Variants in THRB observed in about 807,000 individuals in gnomAD.
THRB encodes thyroid hormone receptor beta.
In THRB, 12 loss-of-function variants were observed where a neutral mutation model predicts 47.8. That is an observed-to-expected ratio of 0.25 (90% CI 0.16 to 0.41). The LOEUF (loss-of-function observed/expected upper bound fraction) is 0.41. THRB is among the 10% of genes least tolerant of loss of function. The probability of loss-of-function intolerance (pLI) is 1.00; values close to 1 mark genes in which losing one functional copy is unlikely to be tolerated. For synonymous variants in THRB, 218 were observed against 212.2 expected, an observed-to-expected ratio of 1.03 and a Z score of -0.24; for missense variants, 348 against 589.2, an observed-to-expected ratio of 0.59 and a Z score of 4.24.
At chr3:24,397,306 G>A (rs1375083880) in intron 1 of THRB, among the ~76,000 whole-genome samples, 1 of 152,088 alleles carries the variant, frequency 6.6e-6, no homozygotes, top group East Asian at 1.9e-4. Flanking sequence ...CCCCAGAGGG[G>A]CCCATCAAAA....
chr3:24,228,234 C>T (rs74417530), intron 4 of THRB, among the ~76,000 whole-genome samples: 2,497 of 152,238 alleles, frequency 0.016, 61 homozygotes, highest in African/African-American at 0.055. Context: ...GTACAACCAT[C>T]GCTCTATAAA....
intron 4 of THRB, among the ~76,000 whole-genome samples, chr3:24,219,593 G>A (rs960852913): frequency 6.6e-6 from 1 of 152,202 alleles, no homozygotes; most frequent in African/African-American, 2.4e-5. Context: ...CAGGAGTAGA[G>A]CATCACTAAT....
At chr3:24,458,469 C>G (rs908549409) in intron 1 of THRB, 1 of 152,176 alleles carries the variant, frequency 6.6e-6, no homozygotes, top group African/African-American at 2.4e-5. Context: ...GAAGAATACC[C>G]CATTTGCAAC....
At chr3:24,146,649 T>A in intron 7 of THRB, 26 bp downstream of exon 7, 1 of 1,613,384 alleles carries the variant, frequency 6.2e-7, no homozygotes, top group Non-Finnish European at 8.5e-7. Context: ...ATTCCTTGAA[T>A]ATGAAGCAAG....
At chr3:24,460,995 G>T (rs1407624576) in intron 1 of THRB, among the ~76,000 whole-genome samples, 1 of 152,174 alleles carries the variant, frequency 6.6e-6, no homozygotes, top group East Asian at 1.9e-4. Context: ...GGGTTTGCAG[G>T]CTAGAGGCTA....
intron 1 of THRB, chr3:24,457,868 T>G (rs2073334320): frequency 6.6e-6 from 1 of 152,032 alleles, no homozygotes; most frequent in African/African-American, 2.4e-5. Flanking sequence ...TAGAGTAGAG[T>G]TAGGCGCATT....
intron 3 of THRB, among the ~76,000 whole-genome samples, chr3:24,258,138 C>A (rs536620797): frequency 6.6e-6 from 1 of 152,244 alleles, no homozygotes; most frequent in Admixed American, 6.5e-5. Context: ...AGGAAGCATG[C>A]CAAGAGGCAG....
chr3:24,238,272 T>TGGGGGGGGGGG (rs2049085833), intron 3 of THRB, among the ~76,000 whole-genome samples: 1 of 8,952 alleles, frequency 1.1e-4, no homozygotes. Flanking sequence ...TATGTGTGTG[T>TGGGGGGGGGGG]GTGTGTGGGG....
intron 2 of THRB, among the ~76,000 whole-genome samples, chr3:24,333,552 A>C (rs1457960654): frequency 6.6e-6 from 1 of 152,262 alleles, no homozygotes; most frequent in Non-Finnish European, 1.5e-5. Context: ...GTCTGCTCTC[A>C]TGCACATTAA....
At chr3:24,340,735 T>C (rs1440222093) in intron 1 of THRB, among the ~76,000 whole-genome samples, 1 of 152,200 alleles carries the variant, frequency 6.6e-6, no homozygotes, top group Non-Finnish European at 1.5e-5. Context: ...ATTTCCAAAT[T>C]AGATTCTATA....
At chr3:24,205,017 C>A (rs1192072597) in intron 4 of THRB, among the ~76,000 whole-genome samples, 1 of 152,154 alleles carries the variant, frequency 6.6e-6, no homozygotes, top group Non-Finnish European at 1.5e-5. Flanking sequence ...AAGACCAAAT[C>A]TACATCTGAT....
chr3:24,464,838 A>C (rs1046557091), intron 1 of THRB, among the ~76,000 whole-genome samples: 1 of 152,178 alleles, frequency 6.6e-6, no homozygotes, highest in Non-Finnish European at 1.5e-5. Context: ...TTTTTTTATC[A>C]TTCTATAAAA....
At chr3:24,447,051 A>G (rs1409397631) in intron 1 of THRB, among the ~76,000 whole-genome samples, 1 of 152,204 alleles carries the variant, frequency 6.6e-6, no homozygotes, top group Non-Finnish European at 1.5e-5. Flanking sequence ...CATTTTTATA[A>G]GAAATGAAGG....
At chr3:24,252,716 T>G (rs1346279413) in intron 3 of THRB, among the ~76,000 whole-genome samples, 2 of 151,790 alleles carry the variant, frequency 1.3e-5, no homozygotes, top group Non-Finnish European at 2.9e-5. Flanking sequence ...ACTGGAATGC[T>G]GTATAAATGT....
intron 6 of THRB, among the ~76,000 whole-genome samples, chr3:24,151,997 C>T (rs1439763312): frequency 3.9e-5 from 6 of 152,194 alleles, no homozygotes; most frequent in Admixed American, 3.3e-4. Context: ...AGAGTAAACT[C>T]TGTCTCCTCC....
intron 8 of THRB, among the ~76,000 whole-genome samples, chr3:24,139,294 ACT>A (rs2035113578): frequency 6.6e-6 from 1 of 152,000 alleles, no homozygotes; most frequent in African/African-American, 2.4e-5. Flanking sequence ...TTTGCCAAAG[ACT>A]CTAATTTTCT....
intron 1 of THRB, among the ~76,000 whole-genome samples, chr3:24,491,599 G>C (rs1176926263): frequency 6.6e-6 from 1 of 152,172 alleles, no homozygotes; most frequent in East Asian, 1.9e-4. Context: ...TCTATCTTGT[G>C]TTGGATCCTG....
intron 1 of THRB, among the ~76,000 whole-genome samples, chr3:24,350,465 A>G (rs1204427034): frequency 6.6e-6 from 1 of 152,152 alleles, no homozygotes; most frequent in Admixed American, 6.6e-5. Context: ...TCAATAGTAG[A>G]ACAGATTAAA....
chr3:24,136,308 A>G (rs925583078), intron 8 of THRB, among the ~76,000 whole-genome samples: 1 of 152,204 alleles, frequency 6.6e-6, no homozygotes, highest in Non-Finnish European at 1.5e-5. Context: ...TGAACAAAGT[A>G]AAACCCTTTG....
Sources: allele counts gnomAD v4.1 joint callset (sites outside exome capture counted in the v4.1 genomes callset), GRCh38; gene constraint gnomAD v4.1.1; transcripts MANE v1.5; gene names NCBI Gene and HGNC (gene_info 2026-07-23, HGNC 2026-07-21).